The following ERC1 variants were observed in gnomAD, a reference collection of about 807,000 sequenced individuals.
ERC1 encodes ELKS/RAB6-interacting/CAST family member 1, also known as RAB6 interacting protein 2.
In ERC1, 56 loss-of-function variants were observed where a neutral mutation model predicts 132.0. That is an observed-to-expected ratio of 0.42 (90% CI 0.34 to 0.53). The LOEUF (loss-of-function observed/expected upper bound fraction) is 0.53. Ranked by LOEUF, ERC1 falls within the 20% of genes least tolerant of loss-of-function variation. The probability of loss-of-function intolerance (pLI) is 0.03; values close to 1 mark genes in which losing one functional copy is unlikely to be tolerated. For missense variants in ERC1, 1,202 were observed against 1,349.9 expected, an observed-to-expected ratio of 0.89 and a Z score of 1.72; for synonymous variants, 478 against 476.1, an observed-to-expected ratio of 1.00 and a Z score of -0.05.
chr12:1,465,175 C>A (rs1361798044), intron 18 of ERC1, among the ~76,000 whole-genome samples: 2 of 152,048 alleles, frequency 1.3e-5, no homozygotes, highest in Non-Finnish European at 2.9e-5. Flanking sequence ...TGATGCTCCC[C>A]CAACTAAGCT....
At position 1,240,607 on chromosome 12, in the gene ERC1, G is replaced by A. The variant is rs554044420; in HGVS notation, c.2487+3703G>A. ...TCCCTTTACTTGAGAAATATTTTCC[G>A]TATTTTCCAAGTAACTCTTTTTTCA... On this transcript the variant is annotated intron_variant, in intron 13 of 18. Transcript: ENST00000360905. Among the ~76,000 whole-genome samples the A allele has an allele frequency of 1.2e-4, 19 of 152,036 alleles. 2 individuals are homozygous for A. In the South Asian group the frequency reaches 1.5e-3, roughly 12 times the overall value.
At chr12:1,055,533 A>G (rs986507821) in intron 2 of ERC1, among the ~76,000 whole-genome samples, 3 of 152,196 alleles carry the variant, frequency 2.0e-5, no homozygotes, top group Admixed American at 6.5e-5. Context: ...CACAATTAGT[A>G]TATCTTAAAT....
At chr12:1,151,441 C>T (rs74057273) in intron 8 of ERC1, among the ~76,000 whole-genome samples, 3,588 of 152,286 alleles carry the variant, frequency 0.024, 142 homozygotes, top group African/African-American at 0.08. Flanking sequence ...ACAACCAGGA[C>T]AGATTTGATC....
chr12:1,005,049 T>C (rs1963312441), intron 1 of ERC1, among the ~76,000 whole-genome samples: 1 of 152,224 alleles, frequency 6.6e-6, no homozygotes, highest in Non-Finnish European at 1.5e-5. Context: ...AGGTGACTTT[T>C]CTACCTTCAT....
chr12:1,208,384 G>T (rs1054471259), intron 12 of ERC1, among the ~76,000 whole-genome samples: 1 of 151,916 alleles, frequency 6.6e-6, no homozygotes, highest in Admixed American at 6.6e-5. Context: ...ACTATTATTA[G>T]TGTTAGTGTA....
At chr12:1,477,884 T>G (rs1321320480) in intron 18 of ERC1, among the ~76,000 whole-genome samples, 1 of 152,238 alleles carries the variant, frequency 6.6e-6, no homozygotes, top group East Asian at 1.9e-4. Flanking sequence ...ATTCTGTCAT[T>G]CAACATCATG....
chr12:1,191,434 AT>A (rs1268151204), intron 12 of ERC1, among the ~76,000 whole-genome samples: 2 of 152,180 alleles, frequency 1.3e-5, no homozygotes, highest in South Asian at 2.1e-4. Context: ...CTTTTGATTG[AT>A]TAGTGACTTC....
At chr12:1,094,729 T>A (rs1422455708) in intron 3 of ERC1, among the ~76,000 whole-genome samples, 1 of 152,180 alleles carries the variant, frequency 6.6e-6, no homozygotes, top group Admixed American at 6.5e-5. Context: ...CTTTTTAAAT[T>A]ACATCATTTG....
intron 14 of ERC1, among the ~76,000 whole-genome samples, chr12:1,274,785 C>T (rs974054706): frequency 6.6e-6 from 1 of 152,202 alleles, no homozygotes; most frequent in African/African-American, 2.4e-5. Flanking sequence ...GCCACCGTGC[C>T]TAGCTGGAGG....
intron 16 of ERC1, among the ~76,000 whole-genome samples, chr12:1,400,916 A>ATTTTTTTTTTTT (rs869202443): frequency 2.0e-4 from 3 of 15,040 alleles, no homozygotes; most frequent in Non-Finnish European, 2.2e-4. Context: ...CTATTTTTGT[A>ATTTTTTTTTTTT]TTTTTTTTTT....
At chr12:998,984 T>C (rs1484200136) in intron 1 of ERC1, among the ~76,000 whole-genome samples, 3 of 151,682 alleles carry the variant, frequency 2.0e-5, no homozygotes, top group Non-Finnish European at 2.9e-5. Context: ...CTTAGCCTCT[T>C]GAGTAGCTGG....
At chr12:1,321,224 T>G (rs2082095769) in intron 15 of ERC1, among the ~76,000 whole-genome samples, 1 of 152,200 alleles carries the variant, frequency 6.6e-6, no homozygotes, top group South Asian at 2.1e-4. Context: ...AGTTTCCACA[T>G]GTATGTAAAT....
chr12:1,225,461 C>T (rs868418392), intron 12 of ERC1, among the ~76,000 whole-genome samples: 1 of 148,068 alleles, frequency 6.8e-6, no homozygotes, highest in Non-Finnish European at 1.5e-5. Flanking sequence ...CACACACACA[C>T]ACACACACAC....
chr12:1,439,661 C>A (rs2093047082), intron 17 of ERC1, among the ~76,000 whole-genome samples: 1 of 152,136 alleles, frequency 6.6e-6, no homozygotes, highest in Non-Finnish European at 1.5e-5. Context: ...TATTTAAGTA[C>A]AGTTCATTAT....
At chr12:1,203,662 G>C (rs1356639166) in intron 12 of ERC1, among the ~76,000 whole-genome samples, 1 of 152,216 alleles carries the variant, frequency 6.6e-6, no homozygotes, top group South Asian at 2.1e-4. Context: ...GATGATACTG[G>C]TCGTTAGAAG....
rs377671282 is a variant in ERC1, at chr12:1,007,516, T to TTCTCTCTCTCTC, written c.-157+16208_-157+16219dup. The stretch of plus-strand genomic sequence containing the variant: ...TCTTTCTCTCTCTCTCACTGGGTAA[T>TTCTCTCTCTCTC]TCTCTCTCTCTCTCTCTCTCTCTCT... On this transcript the variant is annotated intron_variant, in intron 1 of 18. Coordinates refer to ENST00000360905, the MANE Select transcript of ERC1 (RefSeq NM_178040.4). Among the ~76,000 whole-genome samples the TTCTCTCTCTCTC allele has an allele frequency of 3.4e-3, 421 of 122,798 alleles. 2 individuals are homozygous for TTCTCTCTCTCTC. Among genetic ancestry groups the TTCTCTCTCTCTC allele is most frequent in the Middle Eastern group, 0.013 (3 of 240 alleles). 80.6% of individuals were successfully genotyped at this position (122,798 alleles called of 152,430 possible).
At chr12:1,104,172 G>A (rs1017455875) in intron 3 of ERC1, among the ~76,000 whole-genome samples, 1 of 150,932 alleles carries the variant, frequency 6.6e-6, no homozygotes, top group Non-Finnish European at 1.5e-5. Context: ...TTCTGAACCT[G>A]AACTACTTAG....
intron 14 of ERC1, among the ~76,000 whole-genome samples, chr12:1,278,572 A>G (rs1162076425): frequency 6.6e-6 from 1 of 152,198 alleles, no homozygotes; most frequent in Non-Finnish European, 1.5e-5. Flanking sequence ...AGCCCTTTTA[A>G]TGGAATCAGA....
At chr12:1,479,166 T>TA (rs1491525581) in intron 18 of ERC1, among the ~76,000 whole-genome samples, 1 of 152,188 alleles carries the variant, frequency 6.6e-6, no homozygotes, top group Non-Finnish European at 1.5e-5. Context: ...GTGCCAGTGC[T>TA]ATGTGTGTGC....
Sources: allele counts gnomAD v4.1 joint callset (sites outside exome capture counted in the v4.1 genomes callset), GRCh38; gene constraint gnomAD v4.1.1; transcripts MANE v1.5; gene names NCBI Gene and HGNC (gene_info 2026-07-23, HGNC 2026-07-21).